The following TENM2 variants were observed in gnomAD, a reference collection of about 807,000 sequenced individuals.
TENM2 encodes teneurin-2.
In TENM2, 52 loss-of-function variants were observed where a neutral mutation model predicts 245.2. The observed-to-expected ratio is 0.21, with a 90% confidence interval of 0.17 to 0.27. TENM2 has a LOEUF of 0.27. Among genes scored for constraint, TENM2 ranks in the 10% least tolerant of loss-of-function variants. The probability of loss-of-function intolerance (pLI) is 1.00; values close to 1 mark genes in which losing one functional copy is unlikely to be tolerated. For synonymous variants in TENM2, 1,363 were observed against 1,438.9 expected, an observed-to-expected ratio of 0.95 and a Z score of 1.19; for missense variants, 3,046 against 3,666.8, an observed-to-expected ratio of 0.83 and a Z score of 4.37.
intron 3 of TENM2, among the ~76,000 whole-genome samples, chr5:167,918,651 T>C (rs1455698599): frequency 6.6e-6 from 1 of 152,156 alleles, no homozygotes; most frequent in African/African-American, 2.4e-5. Context: ...GAAGCTGAGA[T>C]GGTGACCTTG....
intron 2 of TENM2, among the ~76,000 whole-genome samples, chr5:167,630,903 C>T (rs1778823130): frequency 6.6e-6 from 1 of 152,202 alleles, no homozygotes; most frequent in Non-Finnish European, 1.5e-5. Context: ...GATTTATTTT[C>T]AGTCCACCTA....
chr5:167,088,074 C>A, the TENM2 span, among the ~76,000 whole-genome samples: 1 of 152,054 alleles, frequency 6.6e-6, no homozygotes, highest in Non-Finnish European at 1.5e-5. Flanking sequence ...AGGCGTGAAC[C>A]CCTGCACCCA....
At chr5:167,022,882 G>A in the TENM2 span, among the ~76,000 whole-genome samples, 3 of 152,146 alleles carry the variant, frequency 2.0e-5, no homozygotes, top group African/African-American at 4.8e-5. Context: ...TAATATTAAT[G>A]TATTTTGCTC....
chr5:167,504,487 A>C (rs540547612), intron 2 of TENM2, among the ~76,000 whole-genome samples: 10 of 152,330 alleles, frequency 6.6e-5, no homozygotes, highest in Admixed American at 4.6e-4. Context: ...GACATGCAAA[A>C]TCTATAATAC....
chr5:168,252,069 A>T (rs1767162775), intron 27 of TENM2, among the ~76,000 whole-genome samples: 1 of 152,224 alleles, frequency 6.6e-6, no homozygotes, highest in Admixed American at 6.5e-5. Flanking sequence ...AAAAGATATG[A>T]GAAGAAAGAG....
the TENM2 span, among the ~76,000 whole-genome samples, chr5:167,219,326 A>G: frequency 6.9e-6 from 1 of 145,720 alleles, no homozygotes; most frequent in Admixed American, 6.8e-5. Flanking sequence ...CAAACAAACA[A>G]ACAAGCAAAA....
At chr5:168,000,969 G>T (rs1004099590) in intron 5 of TENM2, among the ~76,000 whole-genome samples, 4 of 54,532 alleles carry the variant, frequency 7.3e-5, no homozygotes, top group African/African-American at 3.1e-4. Context: ...GCATTGGACT[G>T]CATGCCAGGT....
intron 2 of TENM2, among the ~76,000 whole-genome samples, chr5:167,825,751 G>C (rs6874034): frequency 0.076 from 11,583 of 152,024 alleles, 606 homozygotes; most frequent in African/African-American, 0.13. Flanking sequence ...TTGAGTAAGA[G>C]GGCCGGGCAT....
chr5:167,246,734 T>C, the TENM2 span, among the ~76,000 whole-genome samples: 1 of 151,908 alleles, frequency 6.6e-6, no homozygotes, highest in East Asian at 1.9e-4. Flanking sequence ...TGCTTGCCCA[T>C]GTGTTTATAT....
At chr5:167,448,334 T>C (rs1484828345) in intron 2 of TENM2, among the ~76,000 whole-genome samples, 1 of 151,986 alleles carries the variant, frequency 6.6e-6, no homozygotes, top group Non-Finnish European at 1.5e-5. Context: ...TGCCTGCTGT[T>C]CTATTTTATT....
chr5:168,074,784 G>C (rs765265608), intron 7 of TENM2, among the ~76,000 whole-genome samples: 19 of 152,156 alleles, frequency 1.2e-4, no homozygotes, highest in Non-Finnish European at 2.4e-4. Flanking sequence ...AGATATTTCA[G>C]GTGGCTCCCC....
At chr5:168,066,553 G>A (rs248002) in intron 7 of TENM2, among the ~76,000 whole-genome samples, 19,155 of 152,146 alleles carry the variant, frequency 0.13, 1,417 homozygotes, top group Admixed American at 0.25. Flanking sequence ...TTGTGGAAAC[G>A]CCCATTTTAT....
chr5:167,125,232 T>C, the TENM2 span, among the ~76,000 whole-genome samples: 1 of 152,224 alleles, frequency 6.6e-6, no homozygotes, highest in Non-Finnish European at 1.5e-5. Context: ...CAAAAGCGAT[T>C]GAAGGCAGAG....
chr5:167,832,567 A>C (rs4869077), intron 2 of TENM2, among the ~76,000 whole-genome samples: 2 of 152,134 alleles, frequency 1.3e-5, no homozygotes, highest in Non-Finnish European at 2.9e-5. Context: ...GCATGTTAGC[A>C]TATATGTGCA....
intron 5 of TENM2, among the ~76,000 whole-genome samples, chr5:168,005,356 TAC>T (rs1784741285): frequency 6.6e-6 from 1 of 152,096 alleles, no homozygotes; most frequent in South Asian, 2.1e-4. Context: ...TGAAAAAAAA[TAC>T]AGAGATCACA....
chr5:168,227,632 A>G (rs1453872521), intron 24 of TENM2, among the ~76,000 whole-genome samples: 1 of 151,846 alleles, frequency 6.6e-6, no homozygotes, highest in Non-Finnish European at 1.5e-5. Context: ...CGTGCTATTA[A>G]TAGTCTTCAG....
intron 2 of TENM2, among the ~76,000 whole-genome samples, chr5:167,774,054 T>G (rs1289237401): frequency 6.6e-6 from 1 of 150,926 alleles, no homozygotes; most frequent in Non-Finnish European, 1.5e-5. Flanking sequence ...GTGACCCACA[T>G]GCCAACAGCA....
the TENM2 span, among the ~76,000 whole-genome samples, chr5:166,997,468 G>A: frequency 2.0e-5 from 3 of 152,052 alleles, no homozygotes; most frequent in South Asian, 2.1e-4. Flanking sequence ...ACTCCAGAAC[G>A]TTCCTCTTAG....
chr5:168,149,123 G>A (rs931787676), intron 12 of TENM2, among the ~76,000 whole-genome samples: 28 of 152,102 alleles, frequency 1.8e-4, no homozygotes, highest in African/African-American at 2.7e-4. Context: ...GTCTGGAGTC[G>A]CTGTGTTAAG....
Sources: gnomAD v4.1 joint callset for allele counts (sites outside exome capture counted in the v4.1 genomes callset) on GRCh38, gnomAD v4.1.1 for gene constraint, MANE v1.5 for transcripts, NCBI Gene and HGNC (gene_info 2026-07-23, HGNC 2026-07-21) for gene names.